Variants in ADCY1 observed in about 807,000 individuals in gnomAD.
ADCY1 encodes adenylate cyclase 1.
Under a neutral mutation model 105.4 loss-of-function variants are expected in ADCY1, and 28 were observed. The ratio of observed to expected loss-of-function variants is 0.27; its 90% CI spans 0.20 to 0.36. The LOEUF is 0.36. Among genes scored for constraint, ADCY1 ranks in the 10% least tolerant of loss-of-function variants. ADCY1 has a pLI of 1.00. For synonymous variants in ADCY1, 655 were observed against 623.8 expected, an observed-to-expected ratio of 1.05 and a Z score of -0.75; for missense variants, 977 against 1,434.2, an observed-to-expected ratio of 0.68 and a Z score of 5.15.
intron 3 of ADCY1, among the ~76,000 whole-genome samples, chr7:45,620,108 TGAG>T (rs1431606129): frequency 6.6e-6 from 1 of 152,196 alleles, no homozygotes; most frequent in African/African-American, 2.4e-5. Flanking sequence ...AGATGAAACT[TGAG>T]GACATTATAC....
chr7:45,641,212 T>C (rs1010552718), intron 4 of ADCY1, among the ~76,000 whole-genome samples: 2 of 152,180 alleles, frequency 1.3e-5, no homozygotes, highest in African/African-American at 4.8e-5. Flanking sequence ...CTGGGCTTGA[T>C]TCCGAGGCCA....
At position 45,686,562 on chromosome 7, in the gene ADCY1, C is replaced by T. The variant is rs747844414; in HGVS notation, c.2343C>T (p.Ser781=). 9.9e-6 allele frequency: 16 copies of T among 1,611,344 alleles called. No individual in the cohort carries two copies. Among genetic ancestry groups the T allele is most frequent in the South Asian group, 2.2e-5 (2 of 90,846 alleles). The change falls in exon 14 of 20, where the codon TCC becomes TCT. Residue 781 remains serine (S), a synonymous_variant. Coordinates refer to ENST00000297323, the MANE Select transcript of ADCY1 (RefSeq NM_021116.4). This position sits in a 1 kb window ranked among gnomAD's most constrained non-coding sequence, Gnocchi z 4.3. The part of the protein sequence containing the change: ...GYTRTGGGAV[S]GRSYEPIVAI... Reference sequence around the variant, plus strand: ...CTTCCCCCAGGGGTGGTGCCGTCTCCGGGCGCAGCTACGAGCCGATTGTGG... The same window carrying T: ...CTTCCCCCAGGGGTGGTGCCGTCTCTGGGCGCAGCTACGAGCCGATTGTGG...
In ADCY1 at chr7:45,574,570, C is replaced by A. The variant is rs1305526913; in HGVS notation, c.27C>A (p.Gly9=). 5 of 980,390 alleles carry A rather than the reference C, an allele frequency of 5.1e-6. No individual in the cohort carries two copies. Among genetic ancestry groups the A allele is most frequent in the Admixed American group, 1.3e-4 (2 of 15,682 alleles). The allele number at this position is 980,390 out of a possible 1,614,324, so 60.7% of individuals were successfully genotyped here. A position where few individuals can be genotyped will look rare whatever the true frequency, so the allele number is the denominator to read the frequency against. The change falls in exon 1 of 20, where the codon GGC becomes GGA. Residue 9 remains glycine, a synonymous_variant. Coordinates refer to ENST00000297323, the MANE Select transcript of ADCY1 (RefSeq NM_021116.4). This position sits in a 1 kb window ranked among gnomAD's most constrained non-coding sequence, Gnocchi z 7.0. The part of the protein sequence containing the change: MAGAPRGG[G]GGGGGAGEPG... ...TGGCGGGGGCGCCGCGCGGCGGAGGCGGCGGCGGAGGCGGCGCGGGCGAGC... is the reference window on the plus strand; with the variant it reads ...TGGCGGGGGCGCCGCGCGGCGGAGGAGGCGGCGGAGGCGGCGCGGGCGAGC...
At chr7:45,629,607 T>C (rs1474696962) in intron 4 of ADCY1, among the ~76,000 whole-genome samples, 1 of 151,546 alleles carries the variant, frequency 6.6e-6, no homozygotes, top group Non-Finnish European at 1.5e-5. Context: ...CAAGCTCCGC[T>C]TCCCGGGTTC....
intron 14 of ADCY1, among the ~76,000 whole-genome samples, chr7:45,702,655 T>G (rs1169012085): frequency 6.6e-6 from 1 of 152,228 alleles, no homozygotes; most frequent in African/African-American, 2.4e-5. Context: ...CACAGTGGTC[T>G]GTGAATGAGG....
In ADCY1 at chr7:45,716,279, T is replaced by A. The variant is rs1162467734; in HGVS notation, c.*2284T>A. On this transcript the variant is annotated 3_prime_UTR_variant, in exon 20 of 20. Coordinates refer to ENST00000297323, the MANE Select transcript of ADCY1 (RefSeq NM_021116.4). Reference sequence around the variant, plus strand: ...GCTCATCCTGAGGACCCAGGGTCCATCTGAGCTGGCTGTGGGCTGAGATCC... The same window carrying A: ...GCTCATCCTGAGGACCCAGGGTCCAACTGAGCTGGCTGTGGGCTGAGATCC... 6.5e-6 allele frequency: 1 copy of A among 152,798 alleles called. No individual in the cohort carries two copies. The highest frequency in any genetic ancestry group is 2.4e-5 in the African/African-American group (1 of 41,476). The allele number at this position is 152,798 out of a possible 1,614,324, so 9.5% of individuals were successfully genotyped here.
At chr7:45,583,944 T>G (rs1477948015) in intron 1 of ADCY1, among the ~76,000 whole-genome samples, 4 of 137,034 alleles carry the variant, frequency 2.9e-5, no homozygotes, top group South Asian at 2.4e-4. Flanking sequence ...CCTGTTTTTT[T>G]TTTTTTTTTT....
chr7:45,619,492 T>G (rs1793832934), intron 3 of ADCY1, among the ~76,000 whole-genome samples: 1 of 152,150 alleles, frequency 6.6e-6, no homozygotes, highest in South Asian at 2.1e-4. Flanking sequence ...GTATGTACAA[T>G]TATGTGTCAG....
rs748345440 is a variant in ADCY1 at position 45,703,541 on chromosome 7, G to A, written c.2571+49G>A. 1.9e-6 allele frequency: 3 copies of A among 1,612,892 alleles called. No individual in the cohort carries two copies. The highest frequency in any genetic ancestry group is 2.5e-6 in the Non-Finnish European group (3 of 1,179,214). The stretch of plus-strand genomic sequence containing the variant: ...CCAGCACTAGCCCTACACTGCTCTG[G>A]CCACCCCACTTGGCGCTCACCTGGC... On this transcript the variant is annotated intron_variant, in intron 15 of 19. Transcript: ENST00000297323. This position sits in a 1 kb window ranked among gnomAD's most constrained non-coding sequence, Gnocchi z 5.9.
In ADCY1 at chr7:45,574,442, T is replaced by TCGCCGCC. The variant is rs1197212927; in HGVS notation, c.-90_-84dup. ...GCCCCGCGCCCCGCGCCCCGGCGCC[T>TCGCCGCC]CGCCGCCCGCCGCCCGCCCGCCCCG... is the stretch of plus-strand genomic sequence containing the variant. On this transcript the variant is annotated 5_prime_UTR_variant, in exon 1 of 20. Transcript: ENST00000297323. This position sits in a 1 kb window ranked among gnomAD's most constrained non-coding sequence, Gnocchi z 7.0. 1.6e-4 allele frequency: 23 copies of TCGCCGCC among 147,060 alleles called. No homozygotes were observed. Among genetic ancestry groups the TCGCCGCC allele is most frequent in the South Asian group, 1.2e-3 (5 of 4,244 alleles). The allele number at this position is 147,060 out of a possible 1,614,324, so 9.1% of individuals were successfully genotyped here. A position where few individuals can be genotyped will look rare whatever the true frequency, so the allele number is the denominator to read the frequency against.
intron 3 of ADCY1, among the ~76,000 whole-genome samples, chr7:45,617,471 A>G (rs567217619): frequency 2.0e-5 from 3 of 152,344 alleles, no homozygotes; most frequent in Admixed American, 1.3e-4. Flanking sequence ...TCTGCTGGCC[A>G]AGGCTGTGAC....
At chr7:45,665,235 A>G (rs1784204524) in intron 8 of ADCY1, among the ~76,000 whole-genome samples, 2 of 152,254 alleles carry the variant, frequency 1.3e-5, no homozygotes, top group South Asian at 4.1e-4. Context: ...ATTTAAATGA[A>G]GCAAATCGTG....
In ADCY1 at chr7:45,704,614, A is replaced by C; in HGVS notation, c.2815A>C (p.Lys939Gln). The C allele has an allele frequency of 6.2e-7, 1 of 1,613,596 alleles. No homozygotes were observed. Among genetic ancestry groups the C allele is most frequent in the African/African-American group, 1.3e-5 (1 of 75,060 alleles). The change falls in exon 17 of 20, where the codon AAG becomes CAG. Residue 939 changes from lysine to glutamine, a missense_variant and splice_region_variant. By Grantham distance (53) the Lys-to-Gln change is moderately conservative. Transcript: ENST00000297323. ...AVGLAPTSGT[K>Q]AKKSISSHLS... ...GGGGCTAGCGCCCACCTCGGGGACC[A>C]AGGTGAGTGCAGCCTGGCGCTGCCT...
chr7:45,708,877 C>T lies in ADCY1; in HGVS notation c.2932+413C>T, dbSNP rs1043994568. Among the ~76,000 whole-genome samples, 16 of 152,212 alleles carry T rather than the reference C, an allele frequency of 1.1e-4. No individual in the cohort carries two copies. Among genetic ancestry groups the T allele is most frequent in the Non-Finnish European group, 1.5e-4 (10 of 68,040 alleles). ...GCGGACTCCAGCCGCCCTGTGTCTT[C>T]TCCAGGCTCCTTCCCTCACCTGTGT... On this transcript the variant is annotated intron_variant, in intron 18 of 19. Transcript: ENST00000297323. This position sits in a 1 kb window ranked among gnomAD's most constrained non-coding sequence, Gnocchi z 4.7.
chr7:45,658,982 A>T (rs979480750), intron 6 of ADCY1, among the ~76,000 whole-genome samples: 1 of 152,226 alleles, frequency 6.6e-6, no homozygotes, highest in African/African-American at 2.4e-5. Flanking sequence ...AGTTGATGAC[A>T]GGAATCGGCC....
At chr7:45,661,913 C>T (rs1562712899) in intron 7 of ADCY1, 146 bp from the exon 8 acceptor site, 2 of 972,582 alleles carry the variant, frequency 2.1e-6, no homozygotes, top group Non-Finnish European at 3.0e-6. Flanking sequence ...GGGCACGTTC[C>T]CCAATGCCTG....
At position 45,634,500 on chromosome 7, in the gene ADCY1, A is replaced by G. The variant is rs527248534; in HGVS notation, c.1020+11757A>G. ...CTTTTGCATCTATTGGAAGGATCAT[A>G]TGGTTTTTCTTTTTAGTCTGCTCAT... On this transcript the variant is annotated intron_variant, in intron 4 of 19. Transcript: ENST00000297323. Among the ~76,000 whole-genome samples, 7 of 149,334 alleles carry G rather than the reference A, an allele frequency of 4.7e-5. No individual in the cohort carries two copies. The East Asian group carries it at 7.9e-4, about 17-fold the overall frequency.
At chr7:45,579,283 G>A (rs111244229) in intron 1 of ADCY1, among the ~76,000 whole-genome samples, 6 of 152,134 alleles carry the variant, frequency 3.9e-5, no homozygotes, top group African/African-American at 1.2e-4. Flanking sequence ...CCAACATGCT[G>A]TCAACTCCCA....
In ADCY1 at chr7:45,701,847, G is replaced by A. The variant is rs564096959; in HGVS notation, c.2455-1529G>A. Among the ~76,000 whole-genome samples the A allele has an allele frequency of 3.3e-5, 5 of 152,308 alleles. No homozygotes were observed. The East Asian group carries it at 9.7e-4, about 29-fold the overall frequency. On this transcript the variant is annotated intron_variant, in intron 14 of 19. Coordinates refer to ENST00000297323, the MANE Select transcript of ADCY1 (RefSeq NM_021116.4). ...CAGAGTGTGGCTCCAGCCCATCTGG[G>A]CAGCCAGACCCCAGCTCTGGTCTGA...
Sources: allele counts gnomAD v4.1 joint callset (sites outside exome capture counted in the v4.1 genomes callset), GRCh38; gene constraint gnomAD v4.1.1; non-coding constraint Gnocchi (gnomAD v3.1); transcripts MANE v1.5; gene names NCBI Gene and HGNC (gene_info 2026-07-23, HGNC 2026-07-21).